The following EDIL3 variants were observed in gnomAD, a reference collection of about 807,000 sequenced individuals.
EDIL3 encodes the protein EGF-like repeat and discoidin I-like domain-containing protein 3.
Under a neutral mutation model 67.4 loss-of-function variants are expected in EDIL3, and 37 were observed. The observed-to-expected ratio is 0.55, with a 90% confidence interval of 0.42 to 0.72. The LOEUF (loss-of-function observed/expected upper bound fraction) is 0.72, where lower values mean the gene tolerates loss of function less well. EDIL3 is among the 30% of genes least tolerant of loss of function. The pLI is 0.00. For synonymous variants in EDIL3, 195 were observed against 196.3 expected, an observed-to-expected ratio of 0.99 and a Z score of 0.05; for missense variants, 527 against 586.3, an observed-to-expected ratio of 0.90 and a Z score of 1.04.
chr5:84,156,782 T>C (rs1341189396), intron 4 of EDIL3, among the ~76,000 whole-genome samples: 1 of 152,046 alleles, frequency 6.6e-6, no homozygotes, highest in African/African-American at 2.4e-5. Flanking sequence ...TACAGAAGAG[T>C]ATATTCCCTA....
Position 84,158,331 on chromosome 5 carries a change from C to A in EDIL3, c.356-20977G>T, listed in dbSNP as rs1414500091. On this transcript the variant is annotated intron_variant, in intron 4 of 10. Coordinates refer to ENST00000296591, the MANE Select transcript of EDIL3 (RefSeq NM_005711.5). ...GATATTTTAAAGAATGGTATCTGCA[C>A]TGAAGGAAATTAAAGTAAATACTGA... Among the ~76,000 whole-genome samples, 4 of 151,998 alleles carry A rather than the reference C, an allele frequency of 2.6e-5. No individual in the cohort carries two copies. In the East Asian group the frequency reaches 7.7e-4, roughly 29 times the overall value.
chr5:83,945,874 T>C (rs1236839782), intron 10 of EDIL3, among the ~76,000 whole-genome samples: 1 of 151,968 alleles, frequency 6.6e-6, no homozygotes, highest in Non-Finnish European at 1.5e-5. Flanking sequence ...CTCAAAGTAC[T>C]GAAAATATAT....
chr5:84,042,293 T>G (rs1006330640), intron 9 of EDIL3, among the ~76,000 whole-genome samples: 1 of 152,112 alleles, frequency 6.6e-6, no homozygotes. Context: ...GGAAATTTTT[T>G]TTTTTTTGAG....
chr5:84,293,488 CTT>C (rs956202458), intron 1 of EDIL3, among the ~76,000 whole-genome samples: 8 of 150,652 alleles, frequency 5.3e-5, no homozygotes, highest in Non-Finnish European at 1.2e-4. Context: ...TCTGCTAACT[CTT>C]GTTTTCAAGC....
intron 2 of EDIL3, among the ~76,000 whole-genome samples, chr5:84,230,532 T>A (rs1744552380): frequency 6.6e-6 from 1 of 151,942 alleles, no homozygotes; most frequent in Non-Finnish European, 1.5e-5. Flanking sequence ...CTCAGCCTCC[T>A]GAGTAGCTGG....
chr5:84,308,479 T>A (rs1385423770), intron 1 of EDIL3, among the ~76,000 whole-genome samples: 1 of 152,212 alleles, frequency 6.6e-6, no homozygotes, highest in Non-Finnish European at 1.5e-5. Flanking sequence ...TACAGCAGTT[T>A]AAAATAGTGA....
intron 9 of EDIL3, among the ~76,000 whole-genome samples, chr5:84,050,691 C>T (rs1331644020): frequency 6.6e-6 from 1 of 152,200 alleles, no homozygotes; most frequent in African/African-American, 2.4e-5. Flanking sequence ...CAGAGGGTCC[C>T]ACGCCCACAG....
At chr5:84,247,697 A>C (rs911447819) in intron 2 of EDIL3, among the ~76,000 whole-genome samples, 8 of 152,128 alleles carry the variant, frequency 5.3e-5, no homozygotes, top group Non-Finnish European at 1.2e-4. Flanking sequence ...GGAATATGAT[A>C]GGTAAAAGAG....
chr5:83,991,803 T>C (rs1304337844), intron 9 of EDIL3, among the ~76,000 whole-genome samples: 1 of 152,070 alleles, frequency 6.6e-6, no homozygotes, highest in Non-Finnish European at 1.5e-5. Context: ...CTTCCTACCG[T>C]TTTTCCTCCT....
At chr5:84,185,941 T>C (rs755532130) in intron 3 of EDIL3, among the ~76,000 whole-genome samples, 4 of 152,122 alleles carry the variant, frequency 2.6e-5, no homozygotes, top group Non-Finnish European at 4.4e-5. Context: ...ATTCACTTCA[T>C]GTATGAGCAA....
At chr5:84,192,026 C>T (rs1427139365) in intron 3 of EDIL3, among the ~76,000 whole-genome samples, 2 of 152,036 alleles carry the variant, frequency 1.3e-5, no homozygotes, top group Non-Finnish European at 2.9e-5. Flanking sequence ...TTTCCCAGAA[C>T]AACACCAAGT....
intron 3 of EDIL3, among the ~76,000 whole-genome samples, chr5:84,190,901 A>G (rs1168216375): frequency 6.6e-6 from 1 of 151,908 alleles, no homozygotes; most frequent in Non-Finnish European, 1.5e-5. Flanking sequence ...ATAGTCCCTA[A>G]TGAAGAGCTA....
intron 9 of EDIL3, among the ~76,000 whole-genome samples, chr5:83,993,862 C>T (rs900884793): frequency 1.3e-5 from 2 of 152,158 alleles, no homozygotes; most frequent in Non-Finnish European, 2.9e-5. Flanking sequence ...ACTCTGTATA[C>T]CCAGGTCTTC....
intron 9 of EDIL3, among the ~76,000 whole-genome samples, chr5:84,003,304 C>G (rs1190431805): frequency 1.3e-5 from 2 of 152,126 alleles, no homozygotes; most frequent in Non-Finnish European, 2.9e-5. Flanking sequence ...TGGCAGGCCT[C>G]TGCCATTGCC....
At chr5:84,126,759 A>G (rs969335306) in intron 5 of EDIL3, among the ~76,000 whole-genome samples, 15 of 152,176 alleles carry the variant, frequency 9.9e-5, no homozygotes, top group Admixed American at 6.6e-4. Context: ...CTGTCCACCT[A>G]TCCTTTGCGA....
At chr5:83,962,929 A>G (rs963827479) in intron 10 of EDIL3, among the ~76,000 whole-genome samples, 1 of 151,686 alleles carries the variant, frequency 6.6e-6, no homozygotes, top group African/African-American at 2.4e-5. Flanking sequence ...TCACCTTTAT[A>G]AACTATTAGG....
chr5:84,158,140 A>G (rs1748527605), intron 4 of EDIL3, among the ~76,000 whole-genome samples: 2 of 152,106 alleles, frequency 1.3e-5, no homozygotes, highest in South Asian at 2.1e-4. Flanking sequence ...GAAAGTAAAA[A>G]TAACTTGACA....
intron 9 of EDIL3, among the ~76,000 whole-genome samples, chr5:84,050,907 A>T (rs1415765616): frequency 4.6e-5 from 7 of 152,230 alleles, no homozygotes; most frequent in Admixed American, 4.6e-4. Context: ...GCCGAACAAA[A>T]GGCAGTAGAA....
intron 9 of EDIL3, among the ~76,000 whole-genome samples, chr5:84,045,809 A>G (rs1746210895): frequency 6.6e-6 from 1 of 152,234 alleles, no homozygotes; most frequent in African/African-American, 2.4e-5. Context: ...AATGAATGCA[A>G]AATTTTCTAT....
Sources: gnomAD v4.1 joint callset for allele counts (sites outside exome capture counted in the v4.1 genomes callset) on GRCh38, gnomAD v4.1.1 for gene constraint, MANE v1.5 for transcripts, NCBI Gene and HGNC (gene_info 2026-07-23, HGNC 2026-07-21) for gene names.